The following C10orf143 variants were observed in gnomAD, a reference collection of about 807,000 sequenced individuals.
C10orf143 encodes uncharacterized protein C10orf143.
intron 3 of C10orf143, among the ~76,000 whole-genome samples, chr10:130,038,938 C>T (rs532495754): frequency 4.7e-4 from 72 of 152,196 alleles, no homozygotes; most frequent in African/African-American, 1.6e-3. Context: ...GCAGGGAGGA[C>T]GCAGGGAGGG....
chr10:130,081,640 A>T (rs565673818), intron 1 of C10orf143, among the ~76,000 whole-genome samples: 1 of 151,906 alleles, frequency 6.6e-6, no homozygotes, highest in South Asian at 2.1e-4. Flanking sequence ...TAAACTATCA[A>T]TTATTAACAA....
At chr10:130,052,131 T>C (rs1368097488) in intron 3 of C10orf143, among the ~76,000 whole-genome samples, 1 of 144,058 alleles carries the variant, frequency 6.9e-6, no homozygotes, top group Non-Finnish European at 1.5e-5. Context: ...GAGTCTCATC[T>C]CCCTCTCCCG....
chr10:130,092,649 C>T (rs570391419), intron 1 of C10orf143, among the ~76,000 whole-genome samples: 4 of 152,252 alleles, frequency 2.6e-5, no homozygotes, highest in Admixed American at 1.3e-4. Context: ...CAAGACCCAT[C>T]GGTGTGCTGT....
At chr10:130,110,609 A>T (rs1861749925) in intron 1 of C10orf143, 95 bp downstream of exon 1, 1 of 398,104 alleles carries the variant, frequency 2.5e-6, no homozygotes, top group Admixed American at 4.4e-5. Flanking sequence ...GCCTCCTCAC[A>T]GGCAGGGCCG....
chr10:130,091,022 G>C (rs2134787863), intron 1 of C10orf143, among the ~76,000 whole-genome samples: 1 of 152,320 alleles, frequency 6.6e-6, no homozygotes, highest in East Asian at 1.9e-4. Context: ...CTGCCTACCA[G>C]CTCTGAAGAG....
chr10:130,105,915 C>T (rs61750902), intron 1 of C10orf143: 10 of 368,618 alleles, frequency 2.7e-5, no homozygotes, highest in African/African-American at 1.7e-4. Flanking sequence ...AGCTCCCCCC[C>T]GCAGCCGGCT....
At chr10:130,057,784 A>G (rs771766289) in intron 3 of C10orf143, among the ~76,000 whole-genome samples, 1 of 152,210 alleles carries the variant, frequency 6.6e-6, no homozygotes, top group Non-Finnish European at 1.5e-5. Flanking sequence ...ACCATGCTCC[A>G]TTCCAAGAGC....
chr10:130,107,615 C>T (rs530239833), intron 1 of C10orf143: 23 of 1,342,106 alleles, frequency 1.7e-5, no homozygotes, highest in Admixed American at 8.5e-5. Context: ...ATCATTGGGT[C>T]GGCCTTCATC....
At chr10:130,093,055 C>CA (rs1230792738) in intron 1 of C10orf143, among the ~76,000 whole-genome samples, 6 of 152,144 alleles carry the variant, frequency 3.9e-5, no homozygotes, top group Non-Finnish European at 7.3e-5. Flanking sequence ...ACTCAGCTCT[C>CA]GACTAAGCAG....
At chr10:130,086,665 C>T (rs1049789460) in intron 1 of C10orf143, among the ~76,000 whole-genome samples, 4 of 152,144 alleles carry the variant, frequency 2.6e-5, no homozygotes, top group Admixed American at 2.6e-4. Context: ...ATTAAGTATT[C>T]CCCACATAAT....
At chr10:130,089,799 G>A (rs368268284) in intron 1 of C10orf143, among the ~76,000 whole-genome samples, 2 of 152,244 alleles carry the variant, frequency 1.3e-5, no homozygotes, top group South Asian at 4.2e-4. Context: ...AAAATTCAAT[G>A]GAGAAAGAAC....
chr10:130,053,182 T>C (rs1221286226), intron 3 of C10orf143, among the ~76,000 whole-genome samples: 4 of 152,190 alleles, frequency 2.6e-5, no homozygotes, highest in Non-Finnish European at 5.9e-5. Flanking sequence ...TACCTCAGCC[T>C]CCTGAGTAGC....
chr10:130,063,596 G>A (rs1259891369), downstream of C10orf143, among the ~76,000 whole-genome samples: 9 of 152,154 alleles, frequency 5.9e-5, no homozygotes, highest in Non-Finnish European at 1.2e-4. Context: ...TCCCATGACC[G>A]AATGCCATGA....
chr10:130,073,034 T>A (rs1465867452), intron 3 of C10orf143, among the ~76,000 whole-genome samples: 1 of 152,212 alleles, frequency 6.6e-6, no homozygotes, highest in Non-Finnish European at 1.5e-5. Flanking sequence ...CACCTTCAGG[T>A]TCTTCAATTA....
intron 3 of C10orf143, among the ~76,000 whole-genome samples, chr10:130,055,952 TAAAAAAAAAA>T (rs369284797): frequency 1.4e-4 from 9 of 65,860 alleles, no homozygotes; most frequent in African/African-American, 2.3e-4. Flanking sequence ...TCTCCAAAAG[TAAAAAAAAAA>T]AAAAAAAAAA....
At chr10:130,091,200 G>C (rs2134788289) in intron 1 of C10orf143, among the ~76,000 whole-genome samples, 1 of 152,322 alleles carries the variant, frequency 6.6e-6, no homozygotes, top group Admixed American at 6.5e-5. Context: ...GTGCCCCTCT[G>C]GGACGAAGCT....
intron 3 of C10orf143, among the ~76,000 whole-genome samples, chr10:130,038,377 C>G (rs554623235): frequency 1.3e-5 from 2 of 152,284 alleles, no homozygotes; most frequent in South Asian, 2.1e-4. Context: ...AAGGCCACCC[C>G]AGCCTGTGGC....
At chr10:130,071,948 C>A (rs1236182480) in intron 3 of C10orf143, among the ~76,000 whole-genome samples, 1 of 152,168 alleles carries the variant, frequency 6.6e-6, no homozygotes, top group Non-Finnish European at 1.5e-5. Flanking sequence ...TTTCTACTAA[C>A]AATGTTAAAG....
intron 3 of C10orf143, among the ~76,000 whole-genome samples, chr10:130,058,183 G>A (rs1860815798): frequency 3.3e-5 from 5 of 152,134 alleles, no homozygotes; most frequent in Admixed American, 2.6e-4. Context: ...CCAGACTTAA[G>A]AGTCTGCATT....
Sources: gnomAD v4.1 joint callset for allele counts (sites outside exome capture counted in the v4.1 genomes callset) on GRCh38, gnomAD v4.1.1 for gene constraint, MANE v1.5 for transcripts, NCBI Gene and HGNC (gene_info 2026-07-23, HGNC 2026-07-21) for gene names.